Variants in ARG2 observed in about 807,000 individuals in gnomAD.
ARG2 encodes arginase 2, also known as arginase-2, mitochondrial.
Under a neutral mutation model 39.4 loss-of-function variants are expected in ARG2, and 21 were observed. The ratio of observed to expected loss-of-function variants is 0.53; its 90% CI spans 0.38 to 0.77. The LOEUF is 0.77. Ranked by LOEUF, ARG2 falls within the 30% of genes least tolerant of loss-of-function variation. The pLI is 0.00. For missense variants in ARG2, 378 were observed against 426.2 expected, an observed-to-expected ratio of 0.89 and a Z score of 1.00; for synonymous variants, 150 against 156.7, an observed-to-expected ratio of 0.96 and a Z score of 0.32.
At chr14:67,641,284 A>AAT (rs1008075382) in intron 2 of ARG2, among the ~76,000 whole-genome samples, 1 of 152,174 alleles carries the variant, frequency 6.6e-6, no homozygotes, top group African/African-American at 2.4e-5. Context: ...AAGATATCTC[A>AAT]ATATATATAT....
chr14:67,620,160 G>A (rs1466453882), intron 1 of ARG2, 72 bp downstream of exon 1: 4 of 1,155,668 alleles, frequency 3.5e-6, no homozygotes, highest in Non-Finnish European at 4.9e-6. Flanking sequence ...CGGCGGTAGG[G>A]TGCGGGGGAC....
intron 2 of ARG2, among the ~76,000 whole-genome samples, chr14:67,633,151 C>T (rs1379316711): frequency 6.6e-6 from 1 of 152,174 alleles, no homozygotes; most frequent in East Asian, 1.9e-4. Flanking sequence ...GTATTGTTCA[C>T]ATTGCCTGAT....
chr14:67,629,057 G>C (rs966146175), intron 2 of ARG2, among the ~76,000 whole-genome samples: 1 of 152,216 alleles, frequency 6.6e-6, no homozygotes, highest in African/African-American at 2.4e-5. Context: ...AGCAGGGCTG[G>C]GTGGGGTGGC....
chr14:67,620,191 G>A, intron 1 of ARG2, 103 bp downstream of exon 1: 2 of 794,290 alleles, frequency 2.5e-6, no homozygotes, highest in Non-Finnish European at 3.9e-6. Context: ...GGAGAGGATG[G>A]GGAGAAATGG....
intron 2 of ARG2, among the ~76,000 whole-genome samples, chr14:67,624,821 A>T (rs145939502): frequency 7.7e-4 from 118 of 152,334 alleles, no homozygotes; most frequent in African/African-American, 2.6e-3. Flanking sequence ...CAATCTGGGG[A>T]GCATTTATTC....
At chr14:67,650,330 C>T in intron 7 of ARG2, 1 of 246,462 alleles carries the variant, frequency 4.1e-6, no homozygotes, top group Non-Finnish European at 7.9e-6. Context: ...GATTCATTTC[C>T]AGGCAGGCAT....
At position 67,642,235 on chromosome 14, in the gene ARG2, AGAT is replaced by A; in HGVS notation, c.238_240del (p.Asp80del). Reference sequence around the variant, plus strand: ...ATTTGAGTTTTACTCCAGTCCCCAAAGATGATCTCTACAACAACCTGATAGTGA... The same window carrying A: ...ATTTGAGTTTTACTCCAGTCCCCAAAGATCTCTACAACAACCTGATAGTGA... On this transcript the variant is annotated inframe_deletion, in exon 3 of 8. Transcript: ENST00000261783. 3 of 1,614,162 alleles carry A rather than the reference AGAT, an allele frequency of 1.9e-6. No individual in the cohort carries two copies. Among genetic ancestry groups the A allele is most frequent in the Non-Finnish European group, 2.5e-6 (3 of 1,180,004 alleles).
Position 67,620,081 on chromosome 14 carries a change from A to G in ARG2, c.104A>G (p.Gln35Arg), listed in dbSNP as rs1423089586. The G allele has an allele frequency of 6.2e-7, 1 of 1,604,148 alleles. No individual in the cohort carries two copies. Among genetic ancestry groups the G allele is most frequent in the South Asian group, 1.1e-5 (1 of 89,716 alleles). ...SVAVIGAPFS[Q>R]GQKRKGVEHG... is the part of the protein sequence containing the mutation. ...GCTGTGATAGGAGCCCCGTTCTCAC[A>G]AGGGCAGGTGAGAACTGGCACCTGG... The change falls in exon 1 of 8, where the codon CAA (glutamine) becomes CGA (arginine). Residue 35 changes from glutamine (Q) to arginine (R), a missense_variant. Transcript: ENST00000261783.
intron 2 of ARG2, among the ~76,000 whole-genome samples, chr14:67,629,593 G>A (rs1594823343): frequency 6.6e-6 from 1 of 152,098 alleles, no homozygotes; most frequent in South Asian, 2.1e-4. Context: ...GATGAGTTCT[G>A]GAGATGGATG....
intron 2 of ARG2, among the ~76,000 whole-genome samples, chr14:67,636,786 T>C (rs2140750419): frequency 6.6e-6 from 1 of 152,314 alleles, no homozygotes; most frequent in Non-Finnish European, 1.5e-5. Context: ...AAACAGCAAG[T>C]GAAAAATGAG....
chr14:67,650,050 C>T (rs965301227), intron 7 of ARG2: 3 of 152,206 alleles, frequency 2.0e-5, no homozygotes, highest in African/African-American at 7.3e-5. Context: ...TAACTGAAGT[C>T]CAGATAAAAT....
At chr14:67,645,941 C>G in intron 4 of ARG2, 139 bp downstream of exon 4, 1 of 994,130 alleles carries the variant, frequency 1.0e-6, no homozygotes, top group Non-Finnish European at 1.5e-6. Context: ...TATTATGGAC[C>G]AGGCAGTCTG....
chr14:67,641,196 T>C (rs1298059537), intron 2 of ARG2, among the ~76,000 whole-genome samples: 2 of 152,154 alleles, frequency 1.3e-5, no homozygotes, highest in Admixed American at 6.6e-5. Context: ...TAAAATATTA[T>C]ATAAAATTAC....
intron 4 of ARG2, 102 bp downstream of exon 4, chr14:67,645,904 A>T: frequency 2.3e-6 from 3 of 1,315,240 alleles, no homozygotes; most frequent in Non-Finnish European, 3.2e-6. Flanking sequence ...TTGAGTGTGG[A>T]TTACCACTCC....
At chr14:67,627,595 G>A (rs1398407223) in intron 2 of ARG2, among the ~76,000 whole-genome samples, 1 of 152,050 alleles carries the variant, frequency 6.6e-6, no homozygotes, top group Non-Finnish European at 1.5e-5. Flanking sequence ...AGACTGTAAG[G>A]CTGTATGATC....
At chr14:67,628,507 A>G (rs1056257790) in intron 2 of ARG2, among the ~76,000 whole-genome samples, 1 of 152,204 alleles carries the variant, frequency 6.6e-6, no homozygotes, top group Non-Finnish European at 1.5e-5. Context: ...GATTTGGCAA[A>G]TTTCAATGTA....
At position 67,620,031 on chromosome 14, in the gene ARG2, C is replaced by T. The variant is rs781289240; in HGVS notation, c.54C>T (p.Ile18=). The part of the protein sequence containing the change: ...SRLLQTRVHS[I]LKKSVHSVAV... Reference sequence around the variant, plus strand: ...TCCTCCAGACGCGAGTGCATTCCATCCTGAAGAAATCCGTCCACTCCGTGG... The same window carrying T: ...TCCTCCAGACGCGAGTGCATTCCATTCTGAAGAAATCCGTCCACTCCGTGG... The change falls in exon 1 of 8, where the codon ATC becomes ATT. Residue 18 remains isoleucine, a synonymous_variant. Transcript: ENST00000261783. The T allele has an allele frequency of 6.2e-7, 1 of 1,612,230 alleles. No individual in the cohort carries two copies. Among genetic ancestry groups the T allele is most frequent in the Admixed American group, 1.7e-5 (1 of 59,840 alleles).
intron 2 of ARG2, among the ~76,000 whole-genome samples, chr14:67,641,656 C>A (rs937551510): frequency 6.6e-6 from 1 of 152,114 alleles, no homozygotes; most frequent in Non-Finnish European, 1.5e-5. Flanking sequence ...ATGTGAATTT[C>A]TTGGCCAGGC....
intron 6 of ARG2, 100 bp from the exon 7 acceptor site, chr14:67,647,947 A>C (rs1161208675): frequency 8.5e-7 from 1 of 1,176,484 alleles, no homozygotes. Context: ...TAGGACTAAT[A>C]GCAACAAAAT....
Sources: allele counts gnomAD v4.1 joint callset (sites outside exome capture counted in the v4.1 genomes callset), GRCh38; gene constraint gnomAD v4.1.1; transcripts MANE v1.5; gene names NCBI Gene and HGNC (gene_info 2026-07-23, HGNC 2026-07-21).